Variants in CCDC7 observed in about 807,000 individuals in gnomAD.
CCDC7 encodes the protein coiled-coil domain-containing protein 7.
In CCDC7, 183 loss-of-function variants were observed where a neutral mutation model predicts 196.9. The ratio of observed to expected loss-of-function variants is 0.93; its 90% CI spans 0.82 to 1.05. The LOEUF (loss-of-function observed/expected upper bound fraction) is 1.05. Ranked by LOEUF, CCDC7 falls within the 50% of genes least tolerant of loss-of-function variation. The pLI, the probability that CCDC7 is intolerant of heterozygous loss-of-function variation, is 0.00. For synonymous variants in CCDC7, 525 were observed against 484.6 expected, an observed-to-expected ratio of 1.08 and a Z score of -1.10; for missense variants, 1,540 against 1,482.2, an observed-to-expected ratio of 1.04 and a Z score of -0.64.
At chr10:32,642,145 C>T (rs1274277272) in intron 20 of CCDC7, among the ~76,000 whole-genome samples, 2 of 152,198 alleles carry the variant, frequency 1.3e-5, no homozygotes, top group African/African-American at 2.4e-5. Flanking sequence ...TCTCAAACTC[C>T]ATGCTGGGAG....
At chr10:32,531,324 A>G (rs750828300) in intron 11 of CCDC7, among the ~76,000 whole-genome samples, 56 of 152,078 alleles carry the variant, frequency 3.7e-4, no homozygotes, top group Non-Finnish European at 7.1e-4. Context: ...AGGTCTCACT[A>G]TGTTGCTCAG....
intron 18 of CCDC7, among the ~76,000 whole-genome samples, chr10:32,588,877 T>G (rs532014668): frequency 6.6e-6 from 1 of 152,218 alleles, no homozygotes; most frequent in East Asian, 1.9e-4. Context: ...TATAATTTTT[T>G]TCTGGGTACC....
At chr10:32,704,664 G>C (rs1005563178) in intron 24 of CCDC7, among the ~76,000 whole-genome samples, 5 of 152,214 alleles carry the variant, frequency 3.3e-5, no homozygotes, top group African/African-American at 1.2e-4. Context: ...CACCCAGTTC[G>C]AACATCCCAG....
At chr10:32,677,109 G>A (rs1277459463) in intron 21 of CCDC7, among the ~76,000 whole-genome samples, 1 of 149,432 alleles carries the variant, frequency 6.7e-6, no homozygotes, top group Non-Finnish European at 1.5e-5. Flanking sequence ...GTAAACTATT[G>A]CAAGGACAAA....
At chr10:32,493,152 C>T (rs1397976074) in intron 9 of CCDC7, among the ~76,000 whole-genome samples, 1 of 151,578 alleles carries the variant, frequency 6.6e-6, no homozygotes, top group Non-Finnish European at 1.5e-5. Flanking sequence ...ACCCTTTGAC[C>T]AACATCTCCG....
chr10:32,523,688 A>G (rs2048221906), intron 11 of CCDC7, among the ~76,000 whole-genome samples: 1 of 152,028 alleles, frequency 6.6e-6, no homozygotes, highest in Non-Finnish European at 1.5e-5. Context: ...TACAATCATT[A>G]TATCCTCTTG....
chr10:32,837,282 C>G (rs1268152877), intron 33 of CCDC7, among the ~76,000 whole-genome samples: 1 of 152,162 alleles, frequency 6.6e-6, no homozygotes, highest in Non-Finnish European at 1.5e-5. Context: ...ACAGACACTT[C>G]TCAAAAGAAG....
At chr10:32,635,801 C>G (rs772516079) in intron 20 of CCDC7, among the ~76,000 whole-genome samples, 1 of 151,640 alleles carries the variant, frequency 6.6e-6, no homozygotes, top group African/African-American at 2.4e-5. Context: ...GCATGAAGCT[C>G]ATAGTTGTAT....
chr10:32,681,004 C>T (rs2075782644), intron 21 of CCDC7, among the ~76,000 whole-genome samples: 1 of 152,150 alleles, frequency 6.6e-6, no homozygotes, highest in Non-Finnish European at 1.5e-5. Flanking sequence ...GTGAGCACCC[C>T]TTGGTTACTA....
intron 25 of CCDC7, among the ~76,000 whole-genome samples, chr10:32,712,553 GCTT>G (rs1416593360): frequency 1.3e-5 from 2 of 152,172 alleles, no homozygotes; most frequent in African/African-American, 2.4e-5. Context: ...GAAAGTTAAT[GCTT>G]CTTCCAGGAG....
intron 18 of CCDC7, among the ~76,000 whole-genome samples, chr10:32,595,228 C>T (rs1271330473): frequency 1.3e-5 from 2 of 152,070 alleles, no homozygotes; most frequent in Non-Finnish European, 2.9e-5. Context: ...ATTTCAGAGC[C>T]TGTTATTGGT....
At chr10:32,751,697 T>G (rs186235672) in intron 28 of CCDC7, among the ~76,000 whole-genome samples, 138 of 152,276 alleles carry the variant, frequency 9.1e-4, no homozygotes, top group African/African-American at 3.1e-3. Flanking sequence ...AGACTTCACC[T>G]AGCCATTTCA....
chr10:32,539,902 T>G (rs994751958), intron 11 of CCDC7, among the ~76,000 whole-genome samples: 1 of 152,200 alleles, frequency 6.6e-6, no homozygotes. Context: ...TTGATTTTTT[T>G]TTAACTTGCT....
intron 41 of CCDC7, among the ~76,000 whole-genome samples, chr10:32,859,466 G>A (rs1162244844): frequency 6.6e-6 from 1 of 152,134 alleles, no homozygotes; most frequent in African/African-American, 2.4e-5. Flanking sequence ...AGAGAAGGCA[G>A]AGAAGATCTA....
chr10:32,711,685 G>T (rs370453562), exon 25 of CCDC7: 93 of 1,595,074 alleles, frequency 5.8e-5, no homozygotes, highest in Non-Finnish European at 7.9e-5. Context: ...AAAAATCCAA[G>T]TGCAATTAGA....
At chr10:32,603,468 A>G (rs1176859214) in intron 18 of CCDC7, among the ~76,000 whole-genome samples, 1 of 152,102 alleles carries the variant, frequency 6.6e-6, no homozygotes, top group African/African-American at 2.4e-5. Context: ...TAAACCCAGT[A>G]GTGGGATTGC....
At position 32,779,087 on chromosome 10, in the gene CCDC7, A is replaced by G. The variant is rs904827694; in HGVS notation, c.3013+3A>G. ...ATTTGATTTAAACAAAGTGGTCGGT[A>G]AGTATAGATTTATGTTTGGATACAG... On this transcript the variant is annotated splice_donor_region_variant and intron_variant, in intron 29 of 41. Coordinates refer to ENST00000639629, the Ensembl canonical transcript of CCDC7. The G allele has an allele frequency of 3.9e-6, 6 of 1,528,922 alleles. No homozygotes were observed. The highest frequency in any genetic ancestry group is 4.4e-6 in the Non-Finnish European group (5 of 1,127,748). The allele number at this position is 1,528,922 out of a possible 1,614,324, so 94.7% of individuals were successfully genotyped here.
chr10:32,840,643 A>C (rs2092914266), intron 33 of CCDC7, among the ~76,000 whole-genome samples: 1 of 152,066 alleles, frequency 6.6e-6, no homozygotes, highest in African/African-American at 2.4e-5. Context: ...ATCCTCCCTA[A>C]ATCATTCTAT....
intron 18 of CCDC7, among the ~76,000 whole-genome samples, chr10:32,601,934 C>G (rs994500020): frequency 1.3e-5 from 2 of 152,162 alleles, no homozygotes; most frequent in African/African-American, 4.8e-5. Flanking sequence ...ATGGATCAAT[C>G]AACAGGATGT....
Sources: allele counts gnomAD v4.1 joint callset (sites outside exome capture counted in the v4.1 genomes callset), GRCh38; gene constraint gnomAD v4.1.1; transcripts MANE v1.5; gene names NCBI Gene and HGNC (gene_info 2026-07-23, HGNC 2026-07-21).